The following CCDC68 variants were observed in gnomAD, a reference collection of about 807,000 sequenced individuals.
CCDC68 encodes coiled-coil domain-containing protein 68.
In CCDC68, 45 loss-of-function variants were observed where a neutral mutation model predicts 47.1. The ratio of observed to expected loss-of-function variants is 0.96; its 90% CI spans 0.75 to 1.23. The LOEUF is 1.23. CCDC68 is among the 50% of genes most tolerant of loss of function. The probability of loss-of-function intolerance (pLI) is 0.00; values close to 1 mark genes in which losing one functional copy is unlikely to be tolerated. For synonymous variants in CCDC68, 131 were observed against 129.5 expected, an observed-to-expected ratio of 1.01 and a Z score of -0.08; for missense variants, 353 against 373.6, an observed-to-expected ratio of 0.94 and a Z score of 0.45.
intron 8 of CCDC68, among the ~76,000 whole-genome samples, chr18:54,925,868 T>G (rs948389039): frequency 6.6e-6 from 1 of 152,176 alleles, no homozygotes; most frequent in Non-Finnish European, 1.5e-5. Context: ...CAGGCCAGAC[T>G]AAGGGAAAGA....
chr18:54,912,427 G>C (rs1914417915), intron 10 of CCDC68, among the ~76,000 whole-genome samples: 2 of 6,328 alleles, frequency 3.2e-4, no homozygotes, highest in Non-Finnish European at 4.1e-3. Flanking sequence ...CCTATAGGGA[G>C]AGGAAAAAAA....
chr18:54,959,078 C>G (rs993775135), intron 1 of CCDC68: 1 of 152,202 alleles, frequency 6.6e-6, no homozygotes, highest in African/African-American at 2.4e-5. Context: ...GTGCGCCGGA[C>G]TAAGTAGGGG....
chr18:54,921,773 T>C (rs1267162165), intron 8 of CCDC68, among the ~76,000 whole-genome samples: 1 of 152,212 alleles, frequency 6.6e-6, no homozygotes, highest in Non-Finnish European at 1.5e-5. Context: ...ACTATGAAAC[T>C]AAGAAAAGCT....
rs1473091724 is a variant in CCDC68, at chr18:54,930,625, C to T, written c.601-1743G>A. The stretch of plus-strand genomic sequence containing the variant: ...TTCCTTCCTTCCTTCCCTTCCCTTC[C>T]CCTCCCTCCCTCCCTCCCTCCCTCC... On this transcript the variant is annotated intron_variant, in intron 7 of 11. Coordinates refer to ENST00000591504, the MANE Select transcript of CCDC68 (RefSeq NM_025214.3). Among the ~76,000 whole-genome samples the T allele has an allele frequency of 3.2e-4, 2 of 6,158 alleles. 1 individual carries two copies. The highest frequency in any genetic ancestry group is 8.9e-4 in the African/African-American group (2 of 2,246). 4.0% of individuals were successfully genotyped at this position (6,158 alleles called of 152,430 possible). A position where few individuals can be genotyped will look rare whatever the true frequency, so the allele number is the denominator to read the frequency against.
intron 1 of CCDC68, among the ~76,000 whole-genome samples, chr18:54,958,444 T>C (rs1204712475): frequency 6.6e-6 from 1 of 152,164 alleles, no homozygotes. Context: ...ACAGATTATC[T>C]CCTCCCTATC....
rs939679234 is a variant in CCDC68, at chr18:54,921,030, T to C, written c.684-1654A>G. Reference sequence around the variant, plus strand: ...TATGCAGCCATAAAAAGGAATGAAATTGTGCCTTTTGCAGCAACGTGGATG... The same window carrying C: ...TATGCAGCCATAAAAAGGAATGAAACTGTGCCTTTTGCAGCAACGTGGATG... On this transcript the variant is annotated intron_variant, in intron 8 of 11. Transcript: ENST00000591504. Among the ~76,000 whole-genome samples, 5 of 152,286 alleles carry C rather than the reference T, an allele frequency of 3.3e-5. No homozygotes were observed. The East Asian group carries it at 7.7e-4, about 23-fold the overall frequency.
intron 11 of CCDC68, among the ~76,000 whole-genome samples, chr18:54,905,940 T>C (rs1189334832): frequency 6.6e-6 from 1 of 152,214 alleles, no homozygotes; most frequent in Non-Finnish European, 1.5e-5. Context: ...GCGATGGATC[T>C]AGGTTGCGTG....
chr18:54,950,834 A>G, intron 1 of CCDC68, among the ~76,000 whole-genome samples: 1 of 124,866 alleles, frequency 8.0e-6, no homozygotes, highest in Non-Finnish European at 1.7e-5. Context: ...AGGATGTAAG[A>G]TTTTCTAGGT....
intron 8 of CCDC68, among the ~76,000 whole-genome samples, chr18:54,920,115 G>C (rs931889357): frequency 3.3e-5 from 5 of 152,130 alleles, no homozygotes; most frequent in African/African-American, 1.2e-4. Context: ...ACTGTTATTA[G>C]AGTTATGAAG....
intron 2 of CCDC68, among the ~76,000 whole-genome samples, chr18:54,944,415 A>G (rs1408198494): frequency 1.3e-5 from 2 of 152,178 alleles, no homozygotes; most frequent in African/African-American, 4.8e-5. Flanking sequence ...ATCTGGTCAT[A>G]TCAGCAAGCA....
At position 54,902,180 on chromosome 18, in the gene CCDC68, T is replaced by G. The variant is rs969743394; in HGVS notation, c.*2178A>C. ...TTTCACTGTCATAATTTCCTCACTG[T>G]TATCATTTTTGCATAGGTGGTTTCA... On this transcript the variant is annotated 3_prime_UTR_variant, in exon 12 of 12. Transcript: ENST00000591504. 2.0e-5 allele frequency: 3 copies of G among 152,234 alleles called. No homozygotes were observed. The highest frequency in any genetic ancestry group is 7.2e-5 in the African/African-American group (3 of 41,470). The allele number at this position is 152,234 out of a possible 1,614,324, so 9.4% of individuals were successfully genotyped here.
chr18:54,937,145 T>C (rs1275801382), intron 5 of CCDC68, 187 bp from the exon 6 acceptor site: 3 of 579,520 alleles, frequency 5.2e-6, no homozygotes, highest in Non-Finnish European at 8.9e-6. Context: ...ACTCCCTATT[T>C]AGAGGGGCTG....
At chr18:54,937,369 A>G (rs2044366818) in intron 5 of CCDC68, 1 of 157,902 alleles carries the variant, frequency 6.3e-6, no homozygotes, top group Non-Finnish European at 1.4e-5. Flanking sequence ...TGAGGACAAT[A>G]ATGCTAAAAT....
At chr18:54,906,813 C>A (rs1914036618) in intron 11 of CCDC68, among the ~76,000 whole-genome samples, 1 of 152,202 alleles carries the variant, frequency 6.6e-6, no homozygotes, top group South Asian at 2.1e-4. Context: ...AAGTTTCTAA[C>A]AAGCATCTGG....
chr18:54,924,863 G>A (rs2044119616), intron 8 of CCDC68, among the ~76,000 whole-genome samples: 1 of 152,042 alleles, frequency 6.6e-6, no homozygotes, highest in Non-Finnish European at 1.5e-5. Flanking sequence ...TAGCATTATT[G>A]GACTTTCTCA....
At chr18:54,927,684 T>C (rs147962166) in intron 8 of CCDC68, among the ~76,000 whole-genome samples, 9 of 152,324 alleles carry the variant, frequency 5.9e-5, no homozygotes, top group African/African-American at 2.2e-4. Flanking sequence ...TATAAAACTA[T>C]CTTAGAAGTC....
At chr18:54,940,910 G>T in intron 4 of CCDC68, 87 bp downstream of exon 4, 2 of 868,862 alleles carry the variant, frequency 2.3e-6, no homozygotes, top group Non-Finnish European at 3.7e-6. Flanking sequence ...CTCATCCTTC[G>T]AATCTTCAAA....
Position 54,938,131 on chromosome 18 carries a change from T to C in CCDC68, c.205-34A>G, listed in dbSNP as rs376003995. 4.4e-6 allele frequency: 7 copies of C among 1,580,446 alleles called. No homozygotes were observed. In the African/African-American group the frequency reaches 8.2e-5, roughly 18 times the overall value. ...GACAAATGAAAATCATAGACCTGACTATCTTTTCCTCTACAAACTTTGACA... is the reference window on the plus strand; with the variant it reads ...GACAAATGAAAATCATAGACCTGACCATCTTTTCCTCTACAAACTTTGACA... On this transcript the variant is annotated intron_variant, in intron 4 of 11. Transcript: ENST00000591504.
At chr18:54,949,876 G>A (rs190320934) in intron 1 of CCDC68, among the ~76,000 whole-genome samples, 1 of 152,318 alleles carries the variant, frequency 6.6e-6, no homozygotes, top group Non-Finnish European at 1.5e-5. Flanking sequence ...GAAAGGGAAG[G>A]AGTCTCTGAC....
Sources: gnomAD v4.1 joint callset for allele counts (sites outside exome capture counted in the v4.1 genomes callset) on GRCh38, gnomAD v4.1.1 for gene constraint, MANE v1.5 for transcripts, NCBI Gene and HGNC (gene_info 2026-07-23, HGNC 2026-07-21) for gene names.